The following TAF6 variants were observed in gnomAD, a reference collection of about 807,000 sequenced individuals.
The protein encoded by TAF6 is transcription initiation factor TFIID subunit 6.
Under a neutral mutation model 73.5 loss-of-function variants are expected in TAF6, and 50 were observed. That is an observed-to-expected ratio of 0.68 (90% CI 0.54 to 0.86). TAF6 has a LOEUF of 0.86. Ranked by LOEUF, TAF6 falls within the 40% of genes least tolerant of loss-of-function variation. The pLI is 0.00. For synonymous variants in TAF6, 424 were observed against 376.7 expected, an observed-to-expected ratio of 1.13 and a Z score of -1.45; for missense variants, 768 against 899.5, an observed-to-expected ratio of 0.85 and a Z score of 1.87.
upstream of TAF6, among the ~76,000 whole-genome samples, chr7:100,121,860 C>T (rs1007281856): frequency 8.0e-5 from 12 of 150,350 alleles, no homozygotes; most frequent in Non-Finnish European, 1.6e-4. Flanking sequence ...ACCATCCTGG[C>T]TAACACGGTG....
intron 1 of TAF6, among the ~76,000 whole-genome samples, chr7:100,114,798 T>C (rs111694319): frequency 0.03 from 4,530 of 151,848 alleles, 235 homozygotes; most frequent in African/African-American, 0.11. Context: ...GAGGATCGCT[T>C]GAGCCCAGCA....
In TAF6 at chr7:100,113,667, C is replaced by T. The variant is rs1797406306; in HGVS notation, c.346G>A (p.Asp116Asn). ...CGGGGCAGAGGGGTATTGATGATGT[C>T]GCTCAGATCAACCTCCTTCTCCTCA... The part of the protein sequence containing the change: ...FYEEKEVDLS[D>N]IINTPLPRVP... Residue 116 changes from aspartate to asparagine, a missense_variant, in exon 4 of 15, where the codon GAC becomes AAC. This residue lies in a region of TAF6 where 269 missense variants were observed against 268.0 expected (regional missense o/e 1.00). Transcript: ENST00000453269. The T allele has an allele frequency of 1.2e-5, 19 of 1,613,970 alleles. No individual in the cohort carries two copies. Among genetic ancestry groups the T allele is most frequent in the Admixed American group, 3.3e-5 (2 of 59,974 alleles).
intron 10 of TAF6, 43 bp from the exon 11 acceptor site, chr7:100,110,317 G>T: frequency 6.2e-7 from 1 of 1,603,626 alleles, no homozygotes; most frequent in Non-Finnish European, 8.5e-7. Context: ...GGGTCTGAAA[G>T]GATGATTGAC....
intron 1 of TAF6, among the ~76,000 whole-genome samples, chr7:100,114,780 C>G (rs148564548): frequency 4.8e-4 from 73 of 151,864 alleles, no homozygotes; most frequent in Middle Eastern, 3.4e-3. Context: ...TCTGGGAGCC[C>G]AAGGTAGGAG....
chr7:100,111,330 G>C lies in TAF6; in HGVS notation c.901-9C>G. 6.2e-7 allele frequency: 1 copy of C among 1,609,072 alleles called. No homozygotes were observed. Among genetic ancestry groups the C allele is most frequent in the Non-Finnish European group, 8.5e-7 (1 of 1,176,004 alleles). ...GGAATCAGCTCATGGACCTAAGGGA[G>C]AAAGGGCGGGACAGCTGATTCTGGT... On this transcript the variant is annotated splice_polypyrimidine_tract_variant and intron_variant, in intron 9 of 14. Transcript: ENST00000453269.
chr7:100,122,586 C>A, upstream of TAF6: 1 of 1,594,538 alleles, frequency 6.3e-7, no homozygotes. Context: ...AGGTCAGACC[C>A]TTCCCCAGGG....
upstream of TAF6, among the ~76,000 whole-genome samples, chr7:100,123,738 T>C (rs1798133380): frequency 6.6e-6 from 1 of 152,144 alleles, no homozygotes; most frequent in East Asian, 1.9e-4. Flanking sequence ...GCCAGGCTGG[T>C]CGAACTCCTG....
At chr7:100,126,055 A>G in the TAF6 span, among the ~76,000 whole-genome samples, 14 of 152,174 alleles carry the variant, frequency 9.2e-5, no homozygotes, top group South Asian at 1.4e-3. Context: ...GTGTGGTGGC[A>G]GGCGCCTGCA....
chr7:100,111,728 G>C lies in TAF6; in HGVS notation c.900C>G (p.Tyr300Ter). 1 of 1,614,052 alleles carries C rather than the reference G, an allele frequency of 6.2e-7. No homozygotes were observed. The highest frequency in any genetic ancestry group is 8.5e-7 in the Non-Finnish European group (1 of 1,179,934). The stretch of plus-strand genomic sequence containing the variant: ...AGGGAGGATGGGCAGGATCACTCAC[G>C]TATTTTTCTAGATAGAGCGTGGGGT... ...MDNPTLYLEK[Y>*]VHELIPAVMT... The change falls in exon 9 of 15, where the codon TAC becomes TAG. Residue 300 changes from tyrosine (Y) to a stop codon, truncating the protein, a stop_gained and splice_region_variant. Transcript: ENST00000453269. LOFTEE classifies it high-confidence loss of function.
upstream of TAF6, among the ~76,000 whole-genome samples, chr7:100,123,444 G>T (rs747224914): frequency 1.3e-5 from 2 of 152,030 alleles, no homozygotes; most frequent in Non-Finnish European, 2.9e-5. Context: ...TGAGGGAGAA[G>T]GACTGTTTGA....
chr7:100,108,326 C>T (rs1360649411), intron 13 of TAF6, 41 bp downstream of exon 13: 8 of 1,564,868 alleles, frequency 5.1e-6, no homozygotes, highest in South Asian at 1.2e-5. Flanking sequence ...AGGGGTTCTC[C>T]TCTGCTTCCT....
At chr7:100,113,580 C>A (rs1237279724) in intron 4 of TAF6, 36 bp downstream of exon 4, 10 of 1,609,238 alleles carry the variant, frequency 6.2e-6, no homozygotes, top group Non-Finnish European at 8.5e-6. Flanking sequence ...TCCTCCTTTC[C>A]CTCCTCCCTG....
At position 100,113,356 on chromosome 7, in the gene TAF6, C is replaced by T. The variant is rs778504082; in HGVS notation, c.447G>A (p.Pro149=). The T allele has an allele frequency of 2.5e-5, 40 of 1,592,662 alleles. No homozygotes were observed. Among genetic ancestry groups the T allele is most frequent in the Admixed American group, 1.6e-4 (9 of 55,926 alleles). The change falls in exon 5 of 15, where the codon CCG becomes CCA. Residue 149 remains proline (P), a synonymous_variant. Coordinates refer to ENST00000453269, the MANE Select transcript of TAF6 (RefSeq NM_139315.3). ...GTGGGGCATGGAGGTTACCTGGGGG[C>T]GGGTTCTCGGGGATAGCTGGCTGGC... ...EGCQPAIPEN[P]PPAPKEQQKA...
At chr7:100,120,732 T>A (rs182729221), upstream of TAF6, among the ~76,000 whole-genome samples, 27 of 152,240 alleles carry the variant, frequency 1.8e-4, no homozygotes, top group African/African-American at 6.0e-4. Flanking sequence ...AGGCCTTCTA[T>A]CAGAATACAG....
chr7:100,109,355 A>G (rs910340076), intron 12 of TAF6, among the ~76,000 whole-genome samples: 10 of 151,846 alleles, frequency 6.6e-5, no homozygotes, highest in African/African-American at 1.9e-4. Flanking sequence ...AAAAGAAAAC[A>G]TGGGCACTAA....
At chr7:100,113,792 G>A in intron 3 of TAF6, 23 bp from the exon 4 acceptor site, 1 of 1,613,782 alleles carries the variant, frequency 6.2e-7, no homozygotes, top group Middle Eastern at 1.6e-4. Context: ...AGAGGGGCAT[G>A]GGTAAGAAGG....
At position 100,109,584 on chromosome 7, in the gene TAF6, ACTC is replaced by A. The variant is rs138801969; in HGVS notation, c.1284+361_1284+363del. On this transcript the variant is annotated intron_variant, in intron 12 of 14. Coordinates refer to ENST00000453269, the MANE Select transcript of TAF6 (RefSeq NM_139315.3). ...CGATCATAGCTCTCTGTAGCCTTGA[ACTC>A]CTGGGTTCAAGCAATCCTCCCACCT... Among the ~76,000 whole-genome samples, 1,203 of 149,678 alleles carry A rather than the reference ACTC, an allele frequency of 8.0e-3. 13 individuals are homozygous for A. Among genetic ancestry groups the A allele is most frequent in the African/African-American group, 0.028 (1,136 of 40,676 alleles).
chr7:100,110,396 G>A (rs1020603230), intron 10 of TAF6, 122 bp from the exon 11 acceptor site: 1 of 1,116,400 alleles, frequency 9.0e-7, no homozygotes, highest in African/African-American at 1.5e-5. Flanking sequence ...GCCAGACGTG[G>A]TGGCTCACAC....
chr7:100,113,512 G>A, intron 4 of TAF6, 104 bp downstream of exon 4: 2 of 1,543,850 alleles, frequency 1.3e-6, no homozygotes, highest in South Asian at 1.2e-5. Flanking sequence ...CAACTCACCA[G>A]GGATCTCACA....
Sources: allele counts gnomAD v4.1 joint callset (sites outside exome capture counted in the v4.1 genomes callset), GRCh38; gene constraint gnomAD v4.1.1; regional missense constraint gnomAD v4.1.1; transcripts MANE v1.5; gene names NCBI Gene and HGNC (gene_info 2026-07-23, HGNC 2026-07-21).